Variants in EIF4G3 observed in about 807,000 individuals in gnomAD.
EIF4G3 encodes the protein eIF-4-gamma 3.
EIF4G3 carries 34 observed loss-of-function variants against 186.4 expected under a neutral mutation model. The observed-to-expected ratio is 0.18, with a 90% CI of 0.14 to 0.24. The LOEUF (loss-of-function observed/expected upper bound fraction) is 0.24, where lower values mean the gene tolerates loss of function less well. EIF4G3 is among the 10% of genes least tolerant of loss of function. The pLI, the probability that EIF4G3 is intolerant of heterozygous loss-of-function variation, is 1.00. For missense variants in EIF4G3, 1,536 were observed against 1,948.5 expected (o/e 0.79, Z 3.99); for synonymous variants, 673 against 679.5 (o/e 0.99, Z 0.15).
At chr1:21,147,289 T>C (rs1377949687) in intron 2 of EIF4G3, among the ~76,000 whole-genome samples, 1 of 151,898 alleles carries the variant, frequency 6.6e-6, no homozygotes, top group Non-Finnish European at 1.5e-5. Flanking sequence ...TCTATATAAT[T>C]TGTATTATTT....
chr1:21,091,451 G>A (rs113530919), intron 2 of EIF4G3, among the ~76,000 whole-genome samples: 5,000 of 152,052 alleles, frequency 0.033, 273 homozygotes, highest in African/African-American at 0.11. Flanking sequence ...ATAAGCCACC[G>A]CACCTGACCA....
Position 20,982,075 on chromosome 1 carries a change from G to A in EIF4G3, c.198+313C>T, listed in dbSNP as rs114996894. ...ACCATCTGTAGGGTTGTCACATGCT[G>A]AACTAAGCAGTTTTTTTCCTCTCCA... is the stretch of plus-strand genomic sequence containing the variant. On this transcript the variant is annotated intron_variant, in intron 8 of 36. Transcript: ENST00000602326. 5.2e-3 allele frequency among the ~76,000 whole-genome samples: 785 copies of A among 152,216 alleles called. 7 individuals are homozygous for A. The highest frequency in any genetic ancestry group is 0.018 in the African/African-American group (754 of 41,506).
chr1:21,133,370 G>A (rs970484985), intron 2 of EIF4G3, among the ~76,000 whole-genome samples: 6 of 152,014 alleles, frequency 3.9e-5, no homozygotes, highest in Non-Finnish European at 5.9e-5. Flanking sequence ...GACTACAGGC[G>A]TGTGCCACCA....
chr1:20,972,091 C>T (rs917856954), intron 11 of EIF4G3, among the ~76,000 whole-genome samples: 1 of 152,164 alleles, frequency 6.6e-6, no homozygotes, highest in African/African-American at 2.4e-5. Flanking sequence ...CACTCTTCTA[C>T]AATTTTTCTG....
chr1:21,073,733 G>A, intron 3 of EIF4G3: 1 of 488,676 alleles, frequency 2.0e-6, no homozygotes, highest in Non-Finnish European at 4.1e-6. Flanking sequence ...AGACTGTATT[G>A]TAGGGAAGTC....
At chr1:21,125,610 T>C (rs2097017919) in intron 2 of EIF4G3, among the ~76,000 whole-genome samples, 1 of 151,824 alleles carries the variant, frequency 6.6e-6, no homozygotes, top group Admixed American at 6.6e-5. Flanking sequence ...TCCCAGCTAC[T>C]TGGGAGGCTA....
chr1:21,132,628 TG>T (rs775108118), intron 2 of EIF4G3, among the ~76,000 whole-genome samples: 17 of 151,974 alleles, frequency 1.1e-4, no homozygotes, highest in Non-Finnish European at 1.9e-4. Context: ...TTTGTAGAGA[TG>T]GGGTGTCACT....
intron 3 of EIF4G3, among the ~76,000 whole-genome samples, chr1:21,088,115 A>G (rs1304841494): frequency 6.6e-6 from 1 of 151,950 alleles, no homozygotes; most frequent in African/African-American, 2.4e-5. Flanking sequence ...AAAAAAAATT[A>G]AATTTCCTTC....
chr1:20,941,327 G>T (rs772791932), intron 14 of EIF4G3, 164 bp downstream of exon 14: 1 of 1,566,700 alleles, frequency 6.4e-7, no homozygotes, highest in East Asian at 2.4e-5. Flanking sequence ...CTCTTTTGCA[G>T]GTTGTACTAA....
intron 5 of EIF4G3, among the ~76,000 whole-genome samples, chr1:21,001,710 G>C (rs560616175): frequency 6.6e-6 from 1 of 152,120 alleles, no homozygotes; most frequent in Non-Finnish European, 1.5e-5. Context: ...TCTAAGAACA[G>C]GTATTGGAGA....
chr1:20,813,902 C>T (rs1200979403), intron 34 of EIF4G3, among the ~76,000 whole-genome samples: 1 of 148,500 alleles, frequency 6.7e-6, no homozygotes, highest in African/African-American at 2.5e-5. Flanking sequence ...TAAATGATCT[C>T]TTGAACATCA....
Position 21,011,233 on chromosome 1 carries a change from A to G in EIF4G3, c.-66-8425T>C, listed in dbSNP as rs185033840. ...TTAAAAAAAAAAAAAGGAAAGAAAA[A>G]AAAAAGCCAGTTCTTAAGAATGTCA... On this transcript the variant is annotated intron_variant, in intron 4 of 36. Transcript: ENST00000602326. Among the ~76,000 whole-genome samples the G allele has an allele frequency of 5.3e-4, 80 of 152,050 alleles. 2 individuals are homozygous for G. In the East Asian group the frequency reaches 0.013, roughly 24 times the overall value.
intron 2 of EIF4G3, among the ~76,000 whole-genome samples, chr1:21,156,904 G>A (rs1026169231): frequency 6.6e-6 from 1 of 151,912 alleles, no homozygotes; most frequent in Non-Finnish European, 1.5e-5. Flanking sequence ...GTGAAACCTC[G>A]TCTCTACAAA....
intron 15 of EIF4G3, among the ~76,000 whole-genome samples, 189 bp downstream of exon 15, chr1:20,904,694 C>T (rs1015642837): frequency 6.6e-6 from 1 of 151,938 alleles, no homozygotes; most frequent in Non-Finnish European, 1.5e-5. Context: ...AATAAGTATT[C>T]AATGAAATCA....
At chr1:21,154,227 CT>C (rs2097596511) in intron 2 of EIF4G3, among the ~76,000 whole-genome samples, 1 of 152,146 alleles carries the variant, frequency 6.6e-6, no homozygotes, top group South Asian at 2.1e-4. Flanking sequence ...AACAAACTCT[CT>C]ATATAGATCA....
chr1:20,984,538 T>G (rs1188266918), intron 7 of EIF4G3, among the ~76,000 whole-genome samples: 2 of 148,140 alleles, frequency 1.4e-5, no homozygotes, highest in African/African-American at 5.0e-5. Flanking sequence ...AGCACCAACC[T>G]AAGCATTATA....
At chr1:21,033,379 A>C (rs2154572051) in intron 4 of EIF4G3, among the ~76,000 whole-genome samples, 1 of 152,340 alleles carries the variant, frequency 6.6e-6, no homozygotes, top group African/African-American at 2.4e-5. Flanking sequence ...GAAAGAGTTA[A>C]GAAAAAGTTC....
At chr1:21,138,979 G>A (rs1334916028) in intron 2 of EIF4G3, among the ~76,000 whole-genome samples, 1 of 151,952 alleles carries the variant, frequency 6.6e-6, no homozygotes, top group Non-Finnish European at 1.5e-5. Context: ...TGACCTCCTG[G>A]GCTCAAGCAA....
chr1:20,831,732 A>T (rs201461383), intron 30 of EIF4G3, among the ~76,000 whole-genome samples: 7,279 of 61,654 alleles, frequency 0.12, no homozygotes, highest in South Asian at 0.16. Flanking sequence ...AGCATTAGGT[A>T]TATCTCCCGA....
Sources: gnomAD v4.1 joint callset for allele counts (sites outside exome capture counted in the v4.1 genomes callset) on GRCh38, gnomAD v4.1.1 for gene constraint, MANE v1.5 for transcripts, NCBI Gene and HGNC (gene_info 2026-07-23, HGNC 2026-07-21) for gene names.